The following WASF3 variants were observed in gnomAD, a reference collection of about 807,000 sequenced individuals.
WASF3 encodes WASP family member 3, also known as actin-binding protein WASF3.
In WASF3, 11 loss-of-function variants were observed where a neutral mutation model predicts 46.6. That is an observed-to-expected ratio of 0.24 (90% CI 0.15 to 0.39). The LOEUF is 0.39. Among genes scored for constraint, WASF3 ranks in the 10% least tolerant of loss-of-function variants. The probability of loss-of-function intolerance (pLI) is 1.00; values close to 1 mark genes in which losing one functional copy is unlikely to be tolerated. For missense variants in WASF3, 576 were observed against 669.8 expected (o/e 0.86, Z 1.55); for synonymous variants, 242 against 259.7 (o/e 0.93, Z 0.65).
At chr13:26,573,718 A>T (rs1879706530) in intron 1 of WASF3, among the ~76,000 whole-genome samples, 3 of 152,198 alleles carry the variant, frequency 2.0e-5, no homozygotes, top group South Asian at 4.1e-4. Flanking sequence ...AATACAGAAA[A>T]GTCTACATCA....
At chr13:26,563,472 T>C (rs1879364187) in intron 1 of WASF3, among the ~76,000 whole-genome samples, 1 of 152,004 alleles carries the variant, frequency 6.6e-6, no homozygotes, top group Non-Finnish European at 1.5e-5. Context: ...ATGGCCAACA[T>C]GGCAAAACCC....
At chr13:26,621,408 C>T (rs1310562221) in intron 2 of WASF3, among the ~76,000 whole-genome samples, 1 of 152,170 alleles carries the variant, frequency 6.6e-6, no homozygotes, top group Non-Finnish European at 1.5e-5. Flanking sequence ...TATGCCAGAG[C>T]TGGAGGGAAC....
At chr13:26,668,942 A>G (rs1290237256) in intron 5 of WASF3, among the ~76,000 whole-genome samples, 1 of 152,210 alleles carries the variant, frequency 6.6e-6, no homozygotes, top group African/African-American at 2.4e-5. Context: ...TTTACTTAGC[A>G]GTGAAGCCTC....
chr13:26,556,338 G>T (rs569662291), upstream of WASF3, among the ~76,000 whole-genome samples: 1 of 152,322 alleles, frequency 6.6e-6, no homozygotes, highest in East Asian at 1.9e-4. Flanking sequence ...AGACATGGAA[G>T]CCATTCCCCT....
the WASF3 span, among the ~76,000 whole-genome samples, chr13:26,540,609 G>T: frequency 2.0e-5 from 3 of 152,206 alleles, no homozygotes; most frequent in African/African-American, 7.2e-5. Context: ...CACCAGCTTG[G>T]AATTGAGTAG....
upstream of WASF3, among the ~76,000 whole-genome samples, chr13:26,555,560 T>C (rs515058): frequency 1 from 152,215 of 152,218 alleles, 76,106 homozygotes; most frequent in Middle Eastern, 1. Context: ...CAGACCCAAC[T>C]GGGCATGCAC....
chr13:26,615,687 T>A (rs547630739), intron 2 of WASF3, among the ~76,000 whole-genome samples: 1 of 152,222 alleles, frequency 6.6e-6, no homozygotes, highest in Admixed American at 6.5e-5. Flanking sequence ...TATAATTTGA[T>A]AAGTTATTTG....
intron 8 of WASF3, 44 bp downstream of exon 8, chr13:26,681,364 T>G: frequency 6.6e-7 from 1 of 1,505,524 alleles, no homozygotes; most frequent in South Asian, 1.4e-5. Flanking sequence ...TGGCCTTGCA[T>G]TTGAATCTTG....
At chr13:26,678,164 C>T (rs1057282623) in intron 7 of WASF3, among the ~76,000 whole-genome samples, 2 of 152,120 alleles carry the variant, frequency 1.3e-5, no homozygotes, top group African/African-American at 4.8e-5. Flanking sequence ...CCTACTATTT[C>T]CCATGGCTTC....
At chr13:26,584,305 G>A (rs551551266) in intron 1 of WASF3, among the ~76,000 whole-genome samples, 150 of 152,296 alleles carry the variant, frequency 9.8e-4, no homozygotes, top group African/African-American at 3.3e-3. Context: ...CCTGACTGTG[G>A]CAAATGTGAA....
intron 2 of WASF3, among the ~76,000 whole-genome samples, chr13:26,640,085 A>G (rs1881950314): frequency 6.6e-6 from 1 of 152,056 alleles, no homozygotes; most frequent in South Asian, 2.1e-4. Flanking sequence ...TTGCATTTTG[A>G]AGAGGGCCCT....
chr13:26,606,169 G>A (rs1456324896), intron 1 of WASF3, among the ~76,000 whole-genome samples: 1 of 152,116 alleles, frequency 6.6e-6, no homozygotes. Flanking sequence ...TCTAATTTTT[G>A]TAGTTAGGGA....
intron 3 of WASF3, 62 bp downstream of exon 3, chr13:26,642,465 T>C (rs1427020796): frequency 5.3e-6 from 8 of 1,513,236 alleles, no homozygotes; most frequent in African/African-American, 1.4e-5. Context: ...TTGATTTTAA[T>C]AGTTAAATGA....
intron 1 of WASF3, among the ~76,000 whole-genome samples, chr13:26,572,271 A>T (rs180952779): frequency 6.6e-6 from 1 of 152,342 alleles, no homozygotes; most frequent in Admixed American, 6.5e-5. Flanking sequence ...TCCTGACCTT[A>T]ATGAGAATGT....
At chr13:26,615,291 T>G (rs997654728) in intron 2 of WASF3, among the ~76,000 whole-genome samples, 1 of 151,746 alleles carries the variant, frequency 6.6e-6, no homozygotes, top group African/African-American at 2.4e-5. Flanking sequence ...CACAGATTTG[T>G]TTTTTTTGGT....
chr13:26,600,153 AG>A (rs1244008974), intron 1 of WASF3, among the ~76,000 whole-genome samples: 1 of 152,206 alleles, frequency 6.6e-6, no homozygotes, highest in African/African-American at 2.4e-5. Context: ...TTAATGGTAG[AG>A]TGGGCAGTAA....
chr13:26,645,430 A>C (rs1189159280), intron 3 of WASF3, among the ~76,000 whole-genome samples: 1 of 152,160 alleles, frequency 6.6e-6, no homozygotes, highest in East Asian at 1.9e-4. Flanking sequence ...TAGTAGCTCA[A>C]ATTGCCTGTG....
At chr13:26,662,345 A>G (rs1295156485) in intron 3 of WASF3, among the ~76,000 whole-genome samples, 2 of 152,212 alleles carry the variant, frequency 1.3e-5, no homozygotes, top group Non-Finnish European at 1.5e-5. Flanking sequence ...AAAAAGACAC[A>G]TGCACTTGTA....
At chr13:26,600,216 A>G (rs1489953129) in intron 1 of WASF3, among the ~76,000 whole-genome samples, 1 of 152,366 alleles carries the variant, frequency 6.6e-6, no homozygotes, top group East Asian at 1.9e-4. Context: ...CTGTCTTTAC[A>G]GCAAGATTAT....
Sources: gnomAD v4.1 joint callset for allele counts (sites outside exome capture counted in the v4.1 genomes callset) on GRCh38, gnomAD v4.1.1 for gene constraint, MANE v1.5 for transcripts, NCBI Gene and HGNC (gene_info 2026-07-23, HGNC 2026-07-21) for gene names.